The following HNRNPA0 variants were observed in gnomAD, a reference collection of about 807,000 sequenced individuals.
The protein encoded by HNRNPA0 is hnRNA binding protein.
For missense variants in HNRNPA0, 252 were observed against 433.7 expected, an observed-to-expected ratio of 0.58 and a Z score of 3.72; for synonymous variants, 243 against 195.5, an observed-to-expected ratio of 1.24 and a Z score of -2.03.
chr5:137,750,004 G>C lies in HNRNPA0; in HGVS notation c.*3145C>G, dbSNP rs1292389971. ...AAAAATGGATGAATGGGTACAATCA[G>C]TATAGTCATTCTGATTTGATAGTTA... On this transcript the variant is annotated 3_prime_UTR_variant, in exon 1 of 1. Coordinates refer to ENST00000314940, the MANE Select transcript of HNRNPA0 (RefSeq NM_006805.4). The C allele has an allele frequency of 6.6e-6, 1 of 152,150 alleles. No individual in the cohort carries two copies. Among genetic ancestry groups the C allele is most frequent in the East Asian group, 1.9e-4 (1 of 5,204 alleles). 9.4% of individuals were successfully genotyped at this position (152,150 alleles called of 1,614,324 possible). A position where few individuals can be genotyped will look rare whatever the true frequency, so the allele number is the denominator to read the frequency against.
Position 137,747,154 on chromosome 5 carries a change from G to A in HNRNPA0, c.*5995C>T, listed in dbSNP as rs1212075514. On this transcript the variant is annotated 3_prime_UTR_variant, in exon 1 of 1. Coordinates refer to ENST00000314940, the MANE Select transcript of HNRNPA0 (RefSeq NM_006805.4). ...CTAGAGCTATAAGAGGGCCACTGGA[G>A]CAGAGCTGTGGCCACTCACAATCTC... The A allele has an allele frequency of 6.6e-6, 1 of 152,202 alleles. No individual in the cohort carries two copies. The highest frequency in any genetic ancestry group is 1.5e-5 in the Non-Finnish European group (1 of 68,040). 9.4% of individuals were successfully genotyped at this position (152,202 alleles called of 1,614,324 possible).
rs1753409696 is a variant in HNRNPA0 at position 137,746,425 on chromosome 5, TC to T, written c.*6723del. The T allele has an allele frequency of 6.6e-6, 1 of 152,188 alleles. No homozygotes were observed. Among genetic ancestry groups the T allele is most frequent in the African/African-American group, 2.4e-5 (1 of 41,434 alleles). 9.4% of individuals were successfully genotyped at this position (152,188 alleles called of 1,614,324 possible). On this transcript the variant is annotated 3_prime_UTR_variant, in exon 1 of 1. Transcript: ENST00000314940. ...GGCCTCATTATTCCTTTCCTCCTCT[TC>T]CTTCAGGTCCAACAACCCTGAACAA...
In HNRNPA0 at chr5:137,751,594, T is replaced by G. The variant is rs758820971; in HGVS notation, c.*1555A>C. The G allele has an allele frequency of 3.3e-5, 5 of 151,842 alleles. No individual in the cohort carries two copies. Among genetic ancestry groups the G allele is most frequent in the African/African-American group, 7.3e-5 (3 of 41,214 alleles). 9.4% of individuals were successfully genotyped at this position (151,842 alleles called of 1,614,324 possible). ...CATGTAAAGAATTGAATTCTTTATT[T>G]GTGATATCCATAAACGTTGCTATTC... On this transcript the variant is annotated 3_prime_UTR_variant, in exon 1 of 1. Transcript: ENST00000314940.
Position 137,753,386 on chromosome 5 carries a change from T to TCCGCCGCCG in HNRNPA0, c.672_680dup (p.Gly228_Gly230dup). ...CTCCGTAGGCATTGTAGCCGCCGCC[T>TCCGCCGCCG]CCGCCGCCGCCGTAACCACCGTAGC... On this transcript the variant is annotated inframe_insertion, in exon 1 of 1. Transcript: ENST00000314940. This position sits in a 1 kb window ranked among gnomAD's most constrained non-coding sequence, Gnocchi z 6.1. 6.5e-7 allele frequency: 1 copy of TCCGCCGCCG among 1,544,224 alleles called. No individual in the cohort carries two copies. The highest frequency in any genetic ancestry group is 8.7e-7 in the Non-Finnish European group (1 of 1,145,558).
chr5:137,751,364 G>A lies in HNRNPA0; in HGVS notation c.*1785C>T, dbSNP rs1265279397. ...AACTAGACCTTAGGAATTGAACAGT[G>A]ACAAGAAGTTAAAAAATGGTTCAAT... On this transcript the variant is annotated 3_prime_UTR_variant, in exon 1 of 1. Transcript: ENST00000314940. 3 of 148,096 alleles carry A rather than the reference G, an allele frequency of 2.0e-5. No individual in the cohort carries two copies. The highest frequency in any genetic ancestry group is 4.4e-5 in the Non-Finnish European group (3 of 67,420). 9.2% of individuals were successfully genotyped at this position (148,096 alleles called of 1,614,324 possible).
rs1250521682 is a variant in HNRNPA0 at position 137,750,976 on chromosome 5, A to G, written c.*2173T>C. On this transcript the variant is annotated 3_prime_UTR_variant, in exon 1 of 1. Transcript: ENST00000314940. The stretch of plus-strand genomic sequence containing the variant: ...TAGTATTTAACAATTACAACGAAAA[A>G]TTTCAGAGAATCATTTTCTGTATCC... 1.3e-5 allele frequency: 2 copies of G among 152,160 alleles called. No individual in the cohort carries two copies. Among genetic ancestry groups the G allele is most frequent in the African/African-American group, 4.8e-5 (2 of 41,438 alleles). 9.4% of individuals were successfully genotyped at this position (152,160 alleles called of 1,614,324 possible).
In HNRNPA0 at chr5:137,746,273, A is replaced by T. The variant is rs1386015651; in HGVS notation, c.*6876T>A. The T allele has an allele frequency of 6.6e-6, 1 of 152,232 alleles. No individual in the cohort carries two copies. The highest frequency in any genetic ancestry group is 2.4e-5 in the African/African-American group (1 of 41,454). 9.4% of individuals were successfully genotyped at this position (152,232 alleles called of 1,614,324 possible). ...GAAAGGAATAGGAATTTTGGGAAAC[A>T]CATCTTTTAAAATTCAAATCAGATC... On this transcript the variant is annotated 3_prime_UTR_variant, in exon 1 of 1. Coordinates refer to ENST00000314940, the MANE Select transcript of HNRNPA0 (RefSeq NM_006805.4).
At position 137,746,433 on chromosome 5, in the gene HNRNPA0, G is replaced by A. The variant is rs1753409851; in HGVS notation, c.*6716C>T. 1 of 151,928 alleles carries A rather than the reference G, an allele frequency of 6.6e-6. No homozygotes were observed. Among genetic ancestry groups the A allele is most frequent in the South Asian group, 2.1e-4 (1 of 4,812 alleles). 9.4% of individuals were successfully genotyped at this position (151,928 alleles called of 1,614,324 possible). On this transcript the variant is annotated 3_prime_UTR_variant, in exon 1 of 1. Coordinates refer to ENST00000314940, the MANE Select transcript of HNRNPA0 (RefSeq NM_006805.4). ...TATTCCTTTCCTCCTCTTCCTTCAG[G>A]TCCAACAACCCTGAACAATTTGCAT...
In HNRNPA0 at chr5:137,753,000, C is replaced by T; in HGVS notation, c.*149G>A. The T allele has an allele frequency of 1.3e-6, 1 of 775,686 alleles. No homozygotes were observed. Among genetic ancestry groups the T allele is most frequent in the Non-Finnish European group, 2.0e-6 (1 of 495,572 alleles). 48.1% of individuals were successfully genotyped at this position (775,686 alleles called of 1,614,324 possible). ...GTGGCAGGCAAATAGAGGAACACCCCCAAGGGTAAGCAGCCTTAGAAGTGG... is the reference window on the plus strand; with the variant it reads ...GTGGCAGGCAAATAGAGGAACACCCTCAAGGGTAAGCAGCCTTAGAAGTGG... On this transcript the variant is annotated 3_prime_UTR_variant, in exon 1 of 1. Transcript: ENST00000314940.
At position 137,754,114 on chromosome 5, in the gene HNRNPA0, C is replaced by T; in HGVS notation, c.-48G>A. 3 of 1,540,326 alleles carry T rather than the reference C, an allele frequency of 1.9e-6. No homozygotes were observed. Among genetic ancestry groups the T allele is most frequent in the Non-Finnish European group, 2.6e-6 (3 of 1,144,218 alleles). ...CCGCCCTGCGAGCTCCGAGGTTTCGCCGTCGCCGCCGTTATCGTTGGTTAA... is the reference window on the plus strand; with the variant it reads ...CCGCCCTGCGAGCTCCGAGGTTTCGTCGTCGCCGCCGTTATCGTTGGTTAA... On this transcript the variant is annotated 5_prime_UTR_variant, in exon 1 of 1. Coordinates refer to ENST00000314940, the MANE Select transcript of HNRNPA0 (RefSeq NM_006805.4).
chr5:137,751,084 TTAAAAAA>T lies in HNRNPA0; in HGVS notation c.*2058_*2064del, dbSNP rs1753488576. 6.6e-6 allele frequency: 1 copy of T among 152,098 alleles called. No homozygotes were observed. Among genetic ancestry groups the T allele is most frequent in the Non-Finnish European group, 1.5e-5 (1 of 67,988 alleles). The allele number at this position is 152,098 out of a possible 1,614,324, so 9.4% of individuals were successfully genotyped here. On this transcript the variant is annotated 3_prime_UTR_variant, in exon 1 of 1. Transcript: ENST00000314940. ...ACATGTAATTTGTGTATCACTAGAA[TTAAAAAA>T]TAAGACAGAAATGTATGGAAAGTGT...
chr5:137,753,981 G>A lies in HNRNPA0; in HGVS notation c.86C>T (p.Ala29Val), dbSNP rs1325932507. Residue 29 changes from alanine to valine, a missense_variant, in exon 1 of 1, where the codon GCC becomes GTC. Ala to Val is a moderately conservative substitution (Grantham distance 64, BLOSUM62 0). Coordinates refer to ENST00000314940, the MANE Select transcript of HNRNPA0 (RefSeq NM_006805.4). The surrounding 1 kb of genome is among the most constrained non-coding windows in gnomAD (Gnocchi z 6.1). ...SESGLRGHFEAFGTLTDCVVV... is the reference protein window; with the variant it reads ...SESGLRGHFEVFGTLTDCVVV... ...CACGCAGTCCGTCAGAGTCCCAAAG[G>A]CCTCAAAGTGGCCGCGCAGGCCCGA... 1.9e-6 allele frequency: 3 copies of A among 1,614,152 alleles called. No individual in the cohort carries two copies. Among genetic ancestry groups the A allele is most frequent in the Non-Finnish European group, 1.7e-6 (2 of 1,180,022 alleles).
rs1753449173 is a variant in HNRNPA0, at chr5:137,748,757, C to T, written c.*4392G>A. 1 of 152,146 alleles carries T rather than the reference C, an allele frequency of 6.6e-6. No homozygotes were observed. Among genetic ancestry groups the T allele is most frequent in the Non-Finnish European group, 1.5e-5 (1 of 68,008 alleles). 9.4% of individuals were successfully genotyped at this position (152,146 alleles called of 1,614,324 possible). A position where few individuals can be genotyped will look rare whatever the true frequency, so the allele number is the denominator to read the frequency against. The stretch of plus-strand genomic sequence containing the variant: ...CCTTAAGGGCTATGAAATATTAAAT[C>T]AGATACCCACTATGAAGCAAATTAC... On this transcript the variant is annotated 3_prime_UTR_variant, in exon 1 of 1. Transcript: ENST00000314940.
rs939786157 is a variant in HNRNPA0 at position 137,754,243 on chromosome 5, G to A, written c.-177C>T. On this transcript the variant is annotated 5_prime_UTR_variant, in exon 1 of 1. Transcript: ENST00000314940. ...GGAGGGAAGGAAGGAAGAGAGGAAG[G>A]GGGAGGGAAGGGGAGCGGTGCCGGC... The A allele has an allele frequency of 3.7e-6, 3 of 816,250 alleles. No individual in the cohort carries two copies. In the South Asian group the frequency reaches 6.0e-5, roughly 16 times the overall value. 50.6% of individuals were successfully genotyped at this position (816,250 alleles called of 1,614,324 possible).
chr5:137,751,785 T>C lies in HNRNPA0; in HGVS notation c.*1364A>G, dbSNP rs375628761. 7 of 152,672 alleles carry C rather than the reference T, an allele frequency of 4.6e-5. No homozygotes were observed. Among genetic ancestry groups the C allele is most frequent in the Admixed American group, 6.5e-5 (1 of 15,286 alleles). The allele number at this position is 152,672 out of a possible 1,614,324, so 9.5% of individuals were successfully genotyped here. ...ACAACTTGCACCTAAAATACCAGTA[T>C]ACGTAGCTGGTTCATTAGTTGTCAT... On this transcript the variant is annotated 3_prime_UTR_variant, in exon 1 of 1. Coordinates refer to ENST00000314940, the MANE Select transcript of HNRNPA0 (RefSeq NM_006805.4).
chr5:137,754,338 C>A lies in HNRNPA0; in HGVS notation c.-272G>T. On this transcript the variant is annotated 5_prime_UTR_variant, in exon 1 of 1. Coordinates refer to ENST00000314940, the MANE Select transcript of HNRNPA0 (RefSeq NM_006805.4). ...TACCGCCGCCGCCGCCACCTCCGCT[C>A]CCCTATCTGGGCACCACACAAAGAG... 2.0e-6 allele frequency: 1 copy of A among 490,770 alleles called. No homozygotes were observed. The highest frequency in any genetic ancestry group is 2.8e-5 in the South Asian group (1 of 35,356). 30.4% of individuals were successfully genotyped at this position (490,770 alleles called of 1,614,324 possible).
Position 137,752,916 on chromosome 5 carries a change from T to C in HNRNPA0, c.*233A>G. On this transcript the variant is annotated 3_prime_UTR_variant, in exon 1 of 1. Coordinates refer to ENST00000314940, the MANE Select transcript of HNRNPA0 (RefSeq NM_006805.4). Reference sequence around the variant, plus strand: ...TAAAAAAATAGAGTCCATCAATGACTGTAACACAAAAATGTGTATGTGGGG... The same window carrying C: ...TAAAAAAATAGAGTCCATCAATGACCGTAACACAAAAATGTGTATGTGGGG... 1 of 480,736 alleles carries C rather than the reference T, an allele frequency of 2.1e-6. No homozygotes were observed. Among genetic ancestry groups the C allele is most frequent in the Non-Finnish European group, 3.7e-6 (1 of 273,032 alleles). The allele number at this position is 480,736 out of a possible 1,614,324, so 29.8% of individuals were successfully genotyped here.
Position 137,754,236 on chromosome 5 carries a change from GAGGAAGGGGGA to G in HNRNPA0, c.-181_-171del, listed in dbSNP as rs1164930981. Reference sequence around the variant, plus strand: ...GGGAAGGGGAGGGAAGGAAGGAAGAGAGGAAGGGGGAGGGAAGGGGAGCGGTGCCGGCTAAA... The same window carrying G: ...GGGAAGGGGAGGGAAGGAAGGAAGAGGGGAAGGGGAGCGGTGCCGGCTAAA... On this transcript the variant is annotated 5_prime_UTR_variant, in exon 1 of 1. Coordinates refer to ENST00000314940, the MANE Select transcript of HNRNPA0 (RefSeq NM_006805.4). 2 of 822,714 alleles carry G rather than the reference GAGGAAGGGGGA, an allele frequency of 2.4e-6. No homozygotes were observed. Among genetic ancestry groups the G allele is most frequent in the Non-Finnish European group, 3.7e-6 (2 of 538,652 alleles). 51.0% of individuals were successfully genotyped at this position (822,714 alleles called of 1,614,324 possible). A position where few individuals can be genotyped will look rare whatever the true frequency, so the allele number is the denominator to read the frequency against.
In HNRNPA0 at chr5:137,752,946, G is replaced by C. The variant is rs1439821420; in HGVS notation, c.*203C>G. The C allele has an allele frequency of 3.8e-6, 2 of 532,626 alleles. No individual in the cohort carries two copies. Among genetic ancestry groups the C allele is most frequent in the Non-Finnish European group, 6.6e-6 (2 of 303,422 alleles). The allele number at this position is 532,626 out of a possible 1,614,324, so 33.0% of individuals were successfully genotyped here. A position where few individuals can be genotyped will look rare whatever the true frequency, so the allele number is the denominator to read the frequency against. On this transcript the variant is annotated 3_prime_UTR_variant, in exon 1 of 1. Transcript: ENST00000314940. ...CACAAAAATGTGTATGTGGGGCCGA[G>C]TCCATCTTCAGAGGGAGAGACAAGA...
Sources: allele counts gnomAD v4.1 joint callset, GRCh38; gene constraint gnomAD v4.1.1; non-coding constraint Gnocchi (gnomAD v3.1); transcripts MANE v1.5; gene names NCBI Gene and HGNC (gene_info 2026-07-23, HGNC 2026-07-21).